Variants in PABPN1 observed in about 807,000 individuals in gnomAD.
PABPN1 encodes poly(A) binding protein nuclear 1, also known as polyadenylate-binding protein 2.
A neutral mutation model predicts 33.4 loss-of-function variants in PABPN1; 5 were observed. The ratio of observed to expected loss-of-function variants is 0.15; its 90% confidence interval spans 0.08 to 0.32. PABPN1 has a LOEUF of 0.32. Ranked by LOEUF, PABPN1 falls within the 10% of genes least tolerant of loss-of-function variation. The pLI is 1.00. For synonymous variants in PABPN1, 176 were observed against 170.6 expected, an observed-to-expected ratio of 1.03 and a Z score of -0.25; for missense variants, 312 against 425.8, an observed-to-expected ratio of 0.73 and a Z score of 2.35.
rs1395634716 is a variant in PABPN1, at chr14:23,321,928, A to C, written c.351+108A>C. The C allele has an allele frequency of 5.8e-5, 43 of 746,452 alleles. No individual in the cohort carries two copies. The African/African-American group carries it at 7.3e-4, about 13-fold the overall frequency. 46.2% of individuals were successfully genotyped at this position (746,452 alleles called of 1,614,324 possible). ...AGGCGGGGGGTGGGGTTGGGCGGGG[A>C]ATAACGTGGCTGGGGCCGGGTCGGG... On this transcript the variant is annotated intron_variant, in intron 1 of 6. Coordinates refer to ENST00000216727, the MANE Select transcript of PABPN1 (RefSeq NM_004643.4).
At position 23,325,452 on chromosome 14, in the gene PABPN1, C is replaced by A; in HGVS notation, c.*166C>A. The A allele has an allele frequency of 1.1e-6, 1 of 908,416 alleles. No homozygotes were observed. The highest frequency in any genetic ancestry group is 1.6e-6 in the Non-Finnish European group (1 of 623,516). The allele number at this position is 908,416 out of a possible 1,614,324, so 56.3% of individuals were successfully genotyped here. A position where few individuals can be genotyped will look rare whatever the true frequency, so the allele number is the denominator to read the frequency against. On this transcript the variant is annotated 3_prime_UTR_variant, in exon 7 of 7. Transcript: ENST00000216727. ...GGGGGGAGAATCCCATAACTAACTG[C>A]TGAGGAGGGACCTGCTTTGGGGAGT...
chr14:23,321,533 G>GGGC lies in PABPN1; in HGVS notation c.72_74dup (p.Arg25dup), dbSNP rs2087545725. 7.7e-7 allele frequency: 1 copy of GGGC among 1,291,812 alleles called. No homozygotes were observed. The highest frequency in any genetic ancestry group is 9.8e-7 in the Non-Finnish European group (1 of 1,015,498). 80.0% of individuals were successfully genotyped at this position (1,291,812 alleles called of 1,614,324 possible). A position where few individuals can be genotyped will look rare whatever the true frequency, so the allele number is the denominator to read the frequency against. ...TGCGGGCGGTCGGGGCTCCGGGCCG[G>GGGC]GGCGGCGGCGCCATCTTGTGCCCGG... is the stretch of plus-strand genomic sequence containing the variant. On this transcript the variant is annotated inframe_insertion, in exon 1 of 7. Transcript: ENST00000216727.
At chr14:23,323,609 C>A in intron 4 of PABPN1, 126 bp downstream of exon 4, 1 of 957,928 alleles carries the variant, frequency 1.0e-6, no homozygotes, top group Non-Finnish European at 1.6e-6. Context: ...AAGATCATGG[C>A]ATTAATGTTG....
intron 3 of PABPN1, 123 bp from the exon 4 acceptor site, chr14:23,323,254 A>T: frequency 7.8e-7 from 1 of 1,280,092 alleles, no homozygotes; most frequent in Non-Finnish European, 1.1e-6. Flanking sequence ...AAAAGAGATT[A>T]ATTCCTCAAA....
chr14:23,322,496 G>T (rs1788126599), intron 2 of PABPN1: 5 of 615,684 alleles, frequency 8.1e-6, no homozygotes, highest in Non-Finnish European at 1.5e-5. Flanking sequence ...GTAGCCTTGT[G>T]CCTCCCTTTG....
intron 2 of PABPN1, 143 bp from the exon 3 acceptor site, chr14:23,322,856 T>G: frequency 1.0e-6 from 1 of 973,928 alleles, no homozygotes; most frequent in African/African-American, 1.6e-5. Context: ...TATTCTCGGT[T>G]GTGGGTACAG....
intron 6 of PABPN1, 124 bp from the exon 7 acceptor site, chr14:23,325,123 G>T: frequency 7.3e-7 from 1 of 1,372,374 alleles, no homozygotes; most frequent in South Asian, 1.3e-5. Flanking sequence ...TCAGTTTTAG[G>T]ACACTTGAAC....
rs193121408 is a variant in PABPN1 at position 23,325,147 on chromosome 14, C to G, written c.882-100C>G. 106 of 1,530,998 alleles carry G rather than the reference C, an allele frequency of 6.9e-5. 1 individual carries two copies. Among genetic ancestry groups the G allele is most frequent in the African/African-American group, 5.5e-4 (40 of 73,002 alleles). 94.8% of individuals were successfully genotyped at this position (1,530,998 alleles called of 1,614,324 possible). A position where few individuals can be genotyped will look rare whatever the true frequency, so the allele number is the denominator to read the frequency against. Reference sequence around the variant, plus strand: ...GGACACTTGAACACTTCTTTTCCCCCCTTCCCTTCACAGTAACTGGGGCAG... The same window carrying G: ...GGACACTTGAACACTTCTTTTCCCCGCTTCCCTTCACAGTAACTGGGGCAG... On this transcript the variant is annotated intron_variant, in intron 6 of 6. Coordinates refer to ENST00000216727, the MANE Select transcript of PABPN1 (RefSeq NM_004643.4).
chr14:23,322,028 C>T (rs1003005467), intron 1 of PABPN1, 153 bp from the exon 2 acceptor site: 1 of 890,086 alleles, frequency 1.1e-6, no homozygotes, highest in Non-Finnish European at 1.8e-6. Context: ...TAGTGTTGTT[C>T]TAGAGAGGGT....
In PABPN1 at chr14:23,324,013, G is replaced by A. The variant is rs148847017; in HGVS notation, c.690G>A (p.Leu230=). The A allele has an allele frequency of 3.1e-6, 5 of 1,614,128 alleles. No homozygotes were observed. The highest frequency in any genetic ancestry group is 4.2e-6 in the Non-Finnish European group (5 of 1,180,022). ...FSDKESVRTS[L]ALDESLFRGR... is the part of the protein sequence containing the mutation. The stretch of plus-strand genomic sequence containing the variant: ...ACAAAGAGTCAGTGAGGACTTCCTT[G>A]GCCTTAGATGAGTCCCTATTTAGAG... The change falls in exon 5 of 7, where the codon TTG becomes TTA. Residue 230 remains leucine, a synonymous_variant. Transcript: ENST00000216727.
rs1462200253 is a variant in PABPN1, at chr14:23,325,336, A to G, written c.*50A>G. On this transcript the variant is annotated 3_prime_UTR_variant, in exon 7 of 7. Transcript: ENST00000216727. Reference sequence around the variant, plus strand: ...AGAGGAAAAAAAGAGGAAAGAAGGAAAAAAAAAAGAATTAAAAAAAAAAAA... The same window carrying G: ...AGAGGAAAAAAAGAGGAAAGAAGGAGAAAAAAAAGAATTAAAAAAAAAAAA... The G allele has an allele frequency of 1.3e-6, 2 of 1,547,788 alleles. No individual in the cohort carries two copies.
At chr14:23,324,117 A>G (rs746481391) in intron 5 of PABPN1, 21 bp from the exon 6 acceptor site, 6 of 1,614,172 alleles carry the variant, frequency 3.7e-6, no homozygotes, top group Non-Finnish European at 4.2e-6. Flanking sequence ...TAAGGCTATC[A>G]TTTGTTCATC....
At chr14:23,323,737 C>T in intron 4 of PABPN1, among the ~76,000 whole-genome samples, 1 of 152,076 alleles carries the variant, frequency 6.6e-6, no homozygotes. Context: ...CCTATTATGG[C>T]CATATGGAAA....
Position 23,321,738 on chromosome 14 carries a change from C to G in PABPN1, c.269C>G (p.Ser90Trp). The change falls in exon 1 of 7, where the codon TCG becomes TGG. Residue 90 changes from serine to tryptophan, a missense_variant. By Grantham distance (177) the Ser-to-Trp change is radical. Around this residue, in one of 3 missense-constraint regions of PABPN1, gnomAD observed 167 missense variants for 168.9 expected, o/e 0.99. Transcript: ENST00000216727. Reference protein sequence around the residue: ...PPGAPGPGPGSGAPGSQEEEE... With the variant: ...PPGAPGPGPGWGAPGSQEEEE... ...GGAGCTCCGGGCCCTGGGCCTGGTT[C>G]GGGAGCCCCCGGCAGCCAAGAGGAG... 6.5e-7 allele frequency: 1 copy of G among 1,540,582 alleles called. No individual in the cohort carries two copies. The highest frequency in any genetic ancestry group is 8.7e-7 in the Non-Finnish European group (1 of 1,143,276).
In PABPN1 at chr14:23,321,709, C is replaced by G. The variant is rs1354568763; in HGVS notation, c.240C>G (p.Pro80=). 44 of 1,541,342 alleles carry G rather than the reference C, an allele frequency of 2.9e-5. No individual in the cohort carries two copies. The highest frequency in any genetic ancestry group is 3.5e-5 in the Non-Finnish European group (40 of 1,142,976). Reference sequence around the variant, plus strand: ...AGGAGCCGCCCCGGCCCCGCGCCCCCCCGGGAGCTCCGGGCCCTGGGCCTG... The same window carrying G: ...AGGAGCCGCCCCGGCCCCGCGCCCCGCCGGGAGCTCCGGGCCCTGGGCCTG... ...PEEEPPRPRA[P]PGAPGPGPGS... Residue 80 remains proline (P), a synonymous_variant, in exon 1 of 7, where the codon CCC becomes CCG. Transcript: ENST00000216727.
chr14:23,325,807 T>C lies in PABPN1; in HGVS notation c.*521T>C, dbSNP rs1888713545. On this transcript the variant is annotated 3_prime_UTR_variant, in exon 7 of 7. Transcript: ENST00000216727. ...CCTGCCCCTCCAGATTGCCTGGTGA[T>C]CTATTTTGTTTCCTTTTGTGTTTCT... The C allele has an allele frequency of 6.4e-6, 1 of 155,400 alleles. No homozygotes were observed. Among genetic ancestry groups the C allele is most frequent in the South Asian group, 1.9e-4 (1 of 5,232 alleles). 9.6% of individuals were successfully genotyped at this position (155,400 alleles called of 1,614,324 possible).
rs748930859 is a variant in PABPN1, at chr14:23,321,664, G to A, written c.195G>A (p.Glu65=). The A allele has an allele frequency of 1.3e-6, 2 of 1,517,518 alleles. No homozygotes were observed. Among genetic ancestry groups the A allele is most frequent in the African/African-American group, 1.4e-5 (1 of 71,718 alleles). The allele number at this position is 1,517,518 out of a possible 1,614,324, so 94.0% of individuals were successfully genotyped here. A position where few individuals can be genotyped will look rare whatever the true frequency, so the allele number is the denominator to read the frequency against. Reference sequence around the variant, plus strand: ...CTGAGGAGCTGCTGCTGGAGCCCGAGCCGGAGCCCGAGCCCGAAGAGGAGC... The same window carrying A: ...CTGAGGAGCTGCTGCTGGAGCCCGAACCGGAGCCCGAGCCCGAAGAGGAGC... The part of the protein sequence containing the change: ...LEPEELLLEP[E]PEPEPEEEPP... Residue 65 remains glutamate, a synonymous_variant, in exon 1 of 7, where the codon GAG becomes GAA. Transcript: ENST00000216727.
chr14:23,325,923 C>A lies in PABPN1; in HGVS notation c.*637C>A, dbSNP rs1249392178. 6.5e-6 allele frequency: 1 copy of A among 152,684 alleles called. No individual in the cohort carries two copies. Among genetic ancestry groups the A allele is most frequent in the African/African-American group, 2.4e-5 (1 of 41,410 alleles). The allele number at this position is 152,684 out of a possible 1,614,324, so 9.5% of individuals were successfully genotyped here. A position where few individuals can be genotyped will look rare whatever the true frequency, so the allele number is the denominator to read the frequency against. ...CGGCTCCAGTGTAAATTCCCCTTCC[C>A]CCTGGGGAAATGCACTACCTTGTTT... On this transcript the variant is annotated 3_prime_UTR_variant, in exon 7 of 7. Transcript: ENST00000216727.
rs1594987701 is a variant in PABPN1, at chr14:23,321,701, C to T, written c.232C>T (p.Arg78Cys). ...GCCCGAAGAGGAGCCGCCCCGGCCC[C>T]GCGCCCCCCCGGGAGCTCCGGGCCC... is the stretch of plus-strand genomic sequence containing the variant. ...PEPEEEPPRP[R>C]APPGAPGPGP... The change falls in exon 1 of 7, where the codon CGC becomes TGC. Residue 78 changes from arginine (R) to cysteine (C), a missense_variant. Around this residue, in one of 3 missense-constraint regions of PABPN1, gnomAD observed 167 missense variants for 168.9 expected, o/e 0.99. Coordinates refer to ENST00000216727, the MANE Select transcript of PABPN1 (RefSeq NM_004643.4). 3.9e-6 allele frequency: 6 copies of T among 1,537,066 alleles called. No homozygotes were observed. In the East Asian group the frequency reaches 9.9e-5, roughly 25 times the overall value.
Sources: gnomAD v4.1 joint callset for allele counts (sites outside exome capture counted in the v4.1 genomes callset) on GRCh38, gnomAD v4.1.1 for gene constraint, gnomAD v4.1.1 regional missense constraint, MANE v1.5 for transcripts, NCBI Gene and HGNC (gene_info 2026-07-23, HGNC 2026-07-21) for gene names.